Variants in ACBD6 observed in about 807,000 individuals in gnomAD.
ACBD6 encodes the protein acyl-CoA binding domain containing 6.
In ACBD6, 28 loss-of-function variants were observed where a neutral mutation model predicts 37.2. The ratio of observed to expected loss-of-function variants is 0.75; its 90% CI spans 0.56 to 1.03. ACBD6 has a LOEUF of 1.03. Ranked by LOEUF, ACBD6 falls within the 50% of genes least tolerant of loss-of-function variation. The pLI is 0.00. For synonymous variants in ACBD6, 113 were observed against 126.8 expected, an observed-to-expected ratio of 0.89 and a Z score of 0.73; for missense variants, 340 against 337.4, an observed-to-expected ratio of 1.01 and a Z score of -0.06.
At chr1:180,446,833 G>C (rs1014096245) in intron 3 of ACBD6, among the ~76,000 whole-genome samples, 1 of 152,142 alleles carries the variant, frequency 6.6e-6, no homozygotes, top group Admixed American at 6.5e-5. Context: ...CCGAGGTTAG[G>C]AGTTTGAGAC....
At chr1:180,496,691 A>G (rs1651752692) in intron 1 of ACBD6, among the ~76,000 whole-genome samples, 1 of 152,280 alleles carries the variant, frequency 6.6e-6, no homozygotes, top group Admixed American at 6.5e-5. Context: ...TACCACCTCT[A>G]TCATTTGCTT....
At chr1:180,388,873 C>A (rs1653955937) in intron 6 of ACBD6, among the ~76,000 whole-genome samples, 1 of 152,116 alleles carries the variant, frequency 6.6e-6, no homozygotes, top group South Asian at 2.1e-4. Context: ...AAGACTTGTA[C>A]ACTGAAAACT....
At chr1:180,407,058 T>C (rs952767015) in intron 5 of ACBD6, among the ~76,000 whole-genome samples, 6 of 150,428 alleles carry the variant, frequency 4.0e-5, no homozygotes, top group African/African-American at 1.5e-4. Context: ...TATTTTGGGA[T>C]GTTAAGTTTG....
intron 3 of ACBD6, among the ~76,000 whole-genome samples, chr1:180,452,496 A>ATAC (rs1456424421): frequency 3.3e-5 from 5 of 151,654 alleles, no homozygotes; most frequent in East Asian, 1.9e-4. Context: ...AATAATAATA[A>ATAC]TAATAAAACC....
intron 6 of ACBD6, among the ~76,000 whole-genome samples, chr1:180,333,632 G>T (rs574149394): frequency 6.6e-6 from 1 of 152,190 alleles, no homozygotes. Flanking sequence ...CTGAGGTACC[G>T]GGGTCATCTC....
chr1:180,495,962 T>C (rs1257699832), intron 1 of ACBD6, among the ~76,000 whole-genome samples: 1 of 152,194 alleles, frequency 6.6e-6, no homozygotes, highest in Non-Finnish European at 1.5e-5. Context: ...ATAACGCTAT[T>C]AGCATTTTAA....
intron 5 of ACBD6, among the ~76,000 whole-genome samples, chr1:180,412,707 A>G (rs1170308796): frequency 6.6e-6 from 1 of 152,080 alleles, no homozygotes. Flanking sequence ...CTCCCCAAAA[A>G]ATAAAAAAAT....
chr1:180,502,533 G>C lies in ACBD6; in HGVS notation c.-267C>G, dbSNP rs1225953923. ...TTCCCTCCGGCCAACAGCGCGCTCA[G>C]GCTCGCCTCAGGCCCCTCCAACGGA... is the stretch of plus-strand genomic sequence containing the variant. On this transcript the variant is annotated 5_prime_UTR_variant, in exon 1 of 8. Coordinates refer to ENST00000367595, the MANE Select transcript of ACBD6 (RefSeq NM_032360.4). The C allele has an allele frequency of 3.9e-6, 2 of 512,762 alleles. No individual in the cohort carries two copies. The highest frequency in any genetic ancestry group is 7.1e-6 in the Non-Finnish European group (2 of 281,434). 31.8% of individuals were successfully genotyped at this position (512,762 alleles called of 1,614,324 possible).
At chr1:180,297,058 AAGC>A in intron 7 of ACBD6, among the ~76,000 whole-genome samples, 1 of 152,098 alleles carries the variant, frequency 6.6e-6, no homozygotes, top group Non-Finnish European at 1.5e-5. Context: ...TTAATAGTGG[AAGC>A]AGAACTCCCC....
intron 3 of ACBD6, among the ~76,000 whole-genome samples, chr1:180,462,829 A>G (rs1280447101): frequency 6.6e-6 from 1 of 152,218 alleles, no homozygotes; most frequent in Admixed American, 6.5e-5. Context: ...ACATAATCAG[A>G]AGTAAAACAC....
At chr1:180,277,212 T>C (rs1204068937) in intron 9 of ACBD6, 1 of 152,234 alleles carries the variant, frequency 6.6e-6, no homozygotes, top group African/African-American at 2.4e-5. Context: ...ATGGGTGGGC[T>C]GGTGCCACTA....
intron 3 of ACBD6, among the ~76,000 whole-genome samples, chr1:180,455,802 G>A (rs12079496): frequency 6.6e-6 from 1 of 151,984 alleles, no homozygotes; most frequent in South Asian, 2.1e-4. Flanking sequence ...CACCATCTTA[G>A]AATTACATTT....
intron 6 of ACBD6, among the ~76,000 whole-genome samples, chr1:180,349,537 G>C (rs1465113730): frequency 6.6e-6 from 1 of 151,616 alleles, no homozygotes; most frequent in Non-Finnish European, 1.5e-5. Context: ...TTACAGGCGT[G>C]AGCCACCGTG....
chr1:180,291,521 T>C (rs573751344), intron 7 of ACBD6, among the ~76,000 whole-genome samples: 1 of 152,228 alleles, frequency 6.6e-6, no homozygotes, highest in African/African-American at 2.4e-5. Context: ...TGGTGATTTA[T>C]CTGTTCAAAT....
At chr1:180,310,108 A>T (rs1367903330) in intron 7 of ACBD6, among the ~76,000 whole-genome samples, 1 of 152,150 alleles carries the variant, frequency 6.6e-6, no homozygotes, top group Non-Finnish European at 1.5e-5. Context: ...AAAAAAAAAT[A>T]ACTACTACAT....
At chr1:180,393,583 C>T (rs1431181516) in intron 6 of ACBD6, among the ~76,000 whole-genome samples, 7 of 152,098 alleles carry the variant, frequency 4.6e-5, no homozygotes, top group East Asian at 3.9e-4. Context: ...GGAGATGAAC[C>T]TTTCCTTCCA....
intron 7 of ACBD6, among the ~76,000 whole-genome samples, chr1:180,291,258 T>C (rs2147774): frequency 0.49 from 74,721 of 152,062 alleles, 21,019 homozygotes; most frequent in South Asian, 0.66. Context: ...AGAAGTAGAA[T>C]TGCTGAGTCA....
At chr1:180,346,909 G>A (rs1029535360) in intron 6 of ACBD6, among the ~76,000 whole-genome samples, 4 of 152,072 alleles carry the variant, frequency 2.6e-5, no homozygotes, top group Non-Finnish European at 4.4e-5. Context: ...CCAGCTACCT[G>A]GAAGGCTGAG....
At chr1:180,498,194 G>A (rs1425967245) in intron 1 of ACBD6, among the ~76,000 whole-genome samples, 2 of 152,184 alleles carry the variant, frequency 1.3e-5, no homozygotes, top group African/African-American at 2.4e-5. Context: ...AAGTTTTTAA[G>A]TACTGGGAAG....
Sources: allele counts gnomAD v4.1 joint callset (sites outside exome capture counted in the v4.1 genomes callset), GRCh38; gene constraint gnomAD v4.1.1; transcripts MANE v1.5; gene names NCBI Gene and HGNC (gene_info 2026-07-23, HGNC 2026-07-21).